The following KCNK9 variants were observed in gnomAD, a reference collection of about 807,000 sequenced individuals.
KCNK9 encodes potassium channel subfamily K member 9.
Under a neutral mutation model 10.8 loss-of-function variants are expected in KCNK9, and 1 was observed. That is an observed-to-expected ratio of 0.09 (90% confidence interval 0.03 to 0.44). The LOEUF is 0.44. Among genes scored for constraint, KCNK9 ranks in the 20% least tolerant of loss-of-function variants. The pLI, the probability that KCNK9 is intolerant of heterozygous loss-of-function variation, is 0.97. For synonymous variants in KCNK9, 231 were observed against 222.7 expected (o/e 1.04, Z -0.33); for missense variants, 303 against 515.0 (o/e 0.59, Z 3.98).
chr8:139,614,492 C>T (rs578062034), downstream of KCNK9, among the ~76,000 whole-genome samples: 111 of 152,312 alleles, frequency 7.3e-4, no homozygotes, highest in African/African-American at 2.5e-3. Context: ...AGTGGGAGCG[C>T]GCAGATGCTT....
chr8:139,656,963 C>G (rs1357364854), intron 1 of KCNK9, among the ~76,000 whole-genome samples: 1 of 152,230 alleles, frequency 6.6e-6, no homozygotes, highest in African/African-American at 2.4e-5. Flanking sequence ...GCCTCACCCC[C>G]CTGCAGCCCC....
chr8:139,653,703 A>G (rs1362894079), intron 1 of KCNK9, among the ~76,000 whole-genome samples: 1 of 152,222 alleles, frequency 6.6e-6, no homozygotes, highest in African/African-American at 2.4e-5. Flanking sequence ...AAATCAGACA[A>G]CACAAGGGAA....
chr8:139,669,446 T>G (rs1204543093), intron 1 of KCNK9, among the ~76,000 whole-genome samples: 1 of 152,252 alleles, frequency 6.6e-6, no homozygotes, highest in Non-Finnish European at 1.5e-5. Flanking sequence ...AATCCCTTGT[T>G]GTCATTTAAA....
rs752933239 is a variant in KCNK9, at chr8:139,702,974, G to T, written c.19C>A (p.Arg7=). 6.3e-7 allele frequency: 1 copy of T among 1,590,438 alleles called. No homozygotes were observed. The highest frequency in any genetic ancestry group is 1.1e-5 in the South Asian group (1 of 88,214). ...GTGCAGACGATGAGGGACAGAGTCCGCACGTTCTGCCTCTTCATGGCCGCC... is the reference window on the plus strand; with the variant it reads ...GTGCAGACGATGAGGGACAGAGTCCTCACGTTCTGCCTCTTCATGGCCGCC... The part of the protein sequence containing the change: MKRQNV[R]TLSLIVCTFT... Residue 7 remains arginine (R), a synonymous_variant, in exon 1 of 2, where the codon CGG becomes AGG. Transcript: ENST00000520439. This position sits in a 1 kb window ranked among gnomAD's most constrained non-coding sequence, Gnocchi z 7.5.
chr8:139,634,388 C>T (rs1815274103), intron 1 of KCNK9, among the ~76,000 whole-genome samples: 1 of 152,146 alleles, frequency 6.6e-6, no homozygotes, highest in African/African-American at 2.4e-5. Context: ...CCATGGTGCC[C>T]CACAGCCTCC....
chr8:139,659,278 C>T (rs1586671145), intron 1 of KCNK9, among the ~76,000 whole-genome samples: 1 of 152,210 alleles, frequency 6.6e-6, no homozygotes, highest in African/African-American at 2.4e-5. Context: ...TGACCCAAGG[C>T]TTTCCCTATG....
intron 1 of KCNK9, among the ~76,000 whole-genome samples, chr8:139,624,299 T>C (rs949121699): frequency 1.3e-5 from 2 of 152,254 alleles, no homozygotes; most frequent in Non-Finnish European, 2.9e-5. Context: ...GTGGTGCTGG[T>C]GACAGACAGC....
At chr8:139,609,781 T>G (rs547625836), downstream of KCNK9, among the ~76,000 whole-genome samples, 34 of 152,028 alleles carry the variant, frequency 2.2e-4, no homozygotes, top group Admixed American at 1.9e-3. Flanking sequence ...CAGAGGGTGT[T>G]GGGGGAGGTG....
intron 1 of KCNK9, among the ~76,000 whole-genome samples, chr8:139,701,318 C>G (rs1295596127): frequency 6.6e-6 from 1 of 152,208 alleles, no homozygotes; most frequent in East Asian, 1.9e-4. Context: ...ACAGAAAAAC[C>G]TGCACCAATG....
intron 1 of KCNK9, among the ~76,000 whole-genome samples, chr8:139,654,481 C>A (rs985468668): frequency 6.6e-6 from 1 of 152,222 alleles, no homozygotes; most frequent in Non-Finnish European, 1.5e-5. Context: ...GAGCTCCAGA[C>A]CCTCTGGCTT....
intron 1 of KCNK9, among the ~76,000 whole-genome samples, chr8:139,668,830 G>C (rs988077901): frequency 1.3e-5 from 2 of 152,180 alleles, no homozygotes; most frequent in African/African-American, 4.8e-5. Flanking sequence ...GAGTATCTCT[G>C]AGGAAGGGCT....
downstream of KCNK9, among the ~76,000 whole-genome samples, chr8:139,615,108 G>A (rs553955412): frequency 6.6e-6 from 1 of 152,338 alleles, no homozygotes; most frequent in East Asian, 1.9e-4. Flanking sequence ...GAGGAAGAGA[G>A]ACCTGGGGCT....
intron 1 of KCNK9, among the ~76,000 whole-genome samples, chr8:139,675,694 C>T (rs78864451): frequency 0.012 from 1,841 of 152,256 alleles, 41 homozygotes; most frequent in African/African-American, 0.04. Context: ...ACTCTCAGTC[C>T]TTGCTTTGCC....
intron 1 of KCNK9, among the ~76,000 whole-genome samples, chr8:139,660,906 C>A (rs1816136207): frequency 6.6e-6 from 1 of 152,188 alleles, no homozygotes; most frequent in African/African-American, 2.4e-5. Context: ...CTTTGAAAGC[C>A]CTTATTTCCC....
chr8:139,692,849 G>A (rs1816961727), intron 1 of KCNK9, among the ~76,000 whole-genome samples: 1 of 152,138 alleles, frequency 6.6e-6, no homozygotes, highest in Non-Finnish European at 1.5e-5. Context: ...GACCACATGG[G>A]ACCATGCACC....
At chr8:139,630,126 C>T (rs1021970956) in intron 1 of KCNK9, among the ~76,000 whole-genome samples, 2 of 152,074 alleles carry the variant, frequency 1.3e-5, no homozygotes, top group African/African-American at 2.4e-5. Context: ...GAAAACGGCT[C>T]GGAACTCAGT....
chr8:139,653,517 G>A (rs542166120), intron 1 of KCNK9, among the ~76,000 whole-genome samples: 14 of 85,672 alleles, frequency 1.6e-4, no homozygotes, highest in Admixed American at 5.2e-4. Flanking sequence ...CACCACCCCC[G>A]CCGCCTTTCC....
intron 2 of KCNK9, among the ~76,000 whole-genome samples, chr8:139,606,942 A>T (rs1416892500): frequency 1.3e-5 from 2 of 152,202 alleles, no homozygotes; most frequent in Admixed American, 6.5e-5. Context: ...GTGGACTGAG[A>T]TGATCTCATA....
downstream of KCNK9, chr8:139,615,769 A>T (rs183566912): frequency 6.6e-6 from 1 of 152,150 alleles, no homozygotes. Context: ...CCTGTAGAAG[A>T]GAGAATGTTT....
Sources: allele counts gnomAD v4.1 joint callset (sites outside exome capture counted in the v4.1 genomes callset), GRCh38; gene constraint gnomAD v4.1.1; non-coding constraint Gnocchi (gnomAD v3.1); transcripts MANE v1.5; gene names NCBI Gene and HGNC (gene_info 2026-07-23, HGNC 2026-07-21).